CACNA1A: variants seen among roughly 807,000 people sequenced by gnomAD.
The protein encoded by CACNA1A is voltage-dependent P/Q-type calcium channel subunit alpha-1A.
Under a neutral mutation model 262.4 loss-of-function variants are expected in CACNA1A, and 57 were observed. The ratio of observed to expected loss-of-function variants is 0.22; its 90% CI spans 0.18 to 0.27. CACNA1A has a LOEUF of 0.27. Ranked by LOEUF, CACNA1A falls within the 10% of genes least tolerant of loss-of-function variation. The probability of loss-of-function intolerance (pLI) is 1.00; values close to 1 mark genes in which losing one functional copy is unlikely to be tolerated. For synonymous variants in CACNA1A, 1,431 were observed against 1,419.3 expected, an observed-to-expected ratio of 1.01 and a Z score of -0.18; for missense variants, 2,526 against 3,562.8, an observed-to-expected ratio of 0.71 and a Z score of 7.41.
chr19:13,231,955 G>T, intron 34 of CACNA1A, 95 bp from the exon 35 acceptor site: 1 of 1,326,870 alleles, frequency 7.5e-7, no homozygotes, highest in Non-Finnish European at 1.0e-6. Context: ...GAGCACTTGG[G>T]CTCTGGAGCT....
At chr19:13,352,403 CAA>C (rs202072454) in intron 6 of CACNA1A, among the ~76,000 whole-genome samples, 60 of 82,598 alleles carry the variant, frequency 7.3e-4, no homozygotes, top group African/African-American at 1.7e-3. Context: ...GACTCCATCT[CAA>C]AAAAAAAAAA....
chr19:13,267,116 GA>G (rs948289773), intron 24 of CACNA1A, among the ~76,000 whole-genome samples: 2 of 152,074 alleles, frequency 1.3e-5, no homozygotes, highest in African/African-American at 4.8e-5. Context: ...GACAGATCAC[GA>G]GAGACAGAAT....
intron 34 of CACNA1A, among the ~76,000 whole-genome samples, chr19:13,233,866 C>A (rs1433565657): frequency 6.6e-6 from 1 of 152,078 alleles, no homozygotes; most frequent in Non-Finnish European, 1.5e-5. Flanking sequence ...TCGTCTTCCC[C>A]ATGGGGATGT....
intron 36 of CACNA1A, chr19:13,227,823 G>A (rs762784181): frequency 5.3e-6 from 1 of 189,414 alleles, no homozygotes; most frequent in Admixed American, 6.1e-5. Flanking sequence ...CGTGGGCTCT[G>A]AGCTACAGTT....
chr19:13,376,028 CTG>C (rs1441538528), intron 3 of CACNA1A, among the ~76,000 whole-genome samples: 2 of 152,092 alleles, frequency 1.3e-5, no homozygotes, highest in African/African-American at 2.4e-5. Flanking sequence ...CACAGCAAGA[CTG>C]AGAGAGGTGG....
intron 24 of CACNA1A, among the ~76,000 whole-genome samples, chr19:13,268,583 C>T (rs1812190493): frequency 6.6e-6 from 1 of 152,022 alleles, no homozygotes; most frequent in African/African-American, 2.4e-5. Flanking sequence ...CAGGCGCCCA[C>T]CACCACGCCC....
intron 3 of CACNA1A, among the ~76,000 whole-genome samples, chr19:13,397,144 G>A (rs1358713100): frequency 2.0e-5 from 3 of 152,274 alleles, no homozygotes; most frequent in South Asian, 4.1e-4. Flanking sequence ...GGAATGAATG[G>A]TTCATGAAAG....
Position 13,334,466 on chromosome 19 carries a change from C to T in CACNA1A, c.1110G>A (p.Val370=). The part of the protein sequence containing the change: ...SGEFAKERER[V]ENRRAFLKLR... Reference sequence around the variant, plus strand: ...GCTTCAGAAAAGCCCGCCGGTTCTCCACCCGTTCCCTTTCTTTGGCAAACT... The same window carrying T: ...GCTTCAGAAAAGCCCGCCGGTTCTCTACCCGTTCCCTTTCTTTGGCAAACT... The change falls in exon 8 of 47, where the codon GTG becomes GTA. Residue 370 remains valine, a synonymous_variant. Coordinates refer to ENST00000360228, the MANE Select transcript of CACNA1A (RefSeq NM_001127222.2). 1.2e-6 allele frequency: 2 copies of T among 1,612,322 alleles called. 1 individual carries two copies. The highest frequency in any genetic ancestry group is 2.2e-5 in the South Asian group (2 of 91,048).
intron 3 of CACNA1A, among the ~76,000 whole-genome samples, chr19:13,407,345 T>TA (rs773570073): frequency 1.1e-4 from 16 of 152,340 alleles, no homozygotes; most frequent in Non-Finnish European, 2.1e-4. Flanking sequence ...GATTTGCTCT[T>TA]ACGAGAAAAT....
intron 24 of CACNA1A, 121 bp downstream of exon 24, chr19:13,275,729 C>T (rs2057130653): frequency 2.8e-5 from 20 of 717,028 alleles, no homozygotes; most frequent in South Asian, 1.9e-4. Flanking sequence ...ATATCTCCCA[C>T]GTCCCCGGAG....
At chr19:13,347,059 G>GTTTTTTTTTTTTTT in intron 6 of CACNA1A, among the ~76,000 whole-genome samples, 1 of 58,394 alleles carries the variant, frequency 1.7e-5, no homozygotes, top group African/African-American at 5.2e-5. Flanking sequence ...TGTTTTTTTT[G>GTTTTTTTTTTTTTT]TTTTTTTGTT....
chr19:13,306,899 C>T (rs762443041), intron 15 of CACNA1A, among the ~76,000 whole-genome samples: 1 of 152,100 alleles, frequency 6.6e-6, no homozygotes, highest in Non-Finnish European at 1.5e-5. Context: ...CCTGCTTGAC[C>T]CTGTTGCTTC....
intron 17 of CACNA1A, among the ~76,000 whole-genome samples, chr19:13,302,768 G>A (rs916011819): frequency 2.0e-5 from 3 of 152,280 alleles, no homozygotes; most frequent in South Asian, 2.1e-4. Context: ...AGAGACTTCC[G>A]CTTCCCTCCA....
chr19:13,457,811 C>T (rs1318363426), intron 1 of CACNA1A, among the ~76,000 whole-genome samples: 2 of 150,530 alleles, frequency 1.3e-5, no homozygotes, highest in Non-Finnish European at 2.9e-5. Context: ...CAAGATTGTG[C>T]CATTGCACTC....
At chr19:13,305,131 G>T (rs773693620) in intron 15 of CACNA1A, among the ~76,000 whole-genome samples, 1 of 152,226 alleles carries the variant, frequency 6.6e-6, no homozygotes, top group South Asian at 2.1e-4. Context: ...AGGGTGGAAC[G>T]TAAACAGTAT....
Position 13,214,611 on chromosome 19 carries a change from G to A in CACNA1A, c.5732-3C>T. ...CATCTGCTGTTTGTCGGCTCCTCCTGCAATGGGGGTGTAGACAGACCCTGA... is the reference window on the plus strand; with the variant it reads ...CATCTGCTGTTTGTCGGCTCCTCCTACAATGGGGGTGTAGACAGACCCTGA... On this transcript the variant is annotated splice_region_variant and splice_polypyrimidine_tract_variant and intron_variant, in intron 38 of 46. Coordinates refer to ENST00000360228, the MANE Select transcript of CACNA1A (RefSeq NM_001127222.2). The surrounding 1 kb of genome is among the most constrained non-coding windows in gnomAD (Gnocchi z 4.1). 6.2e-7 allele frequency: 1 copy of A among 1,611,212 alleles called. No individual in the cohort carries two copies. The highest frequency in any genetic ancestry group is 8.5e-7 in the Non-Finnish European group (1 of 1,178,008).
At chr19:13,403,455 C>A (rs1001297322) in intron 3 of CACNA1A, among the ~76,000 whole-genome samples, 1 of 152,136 alleles carries the variant, frequency 6.6e-6, no homozygotes, top group Non-Finnish European at 1.5e-5. Context: ...ACTGTCTGGT[C>A]CCTGGGTCTA....
At chr19:13,361,830 A>C (rs893144307) in intron 5 of CACNA1A, among the ~76,000 whole-genome samples, 14 of 152,316 alleles carry the variant, frequency 9.2e-5, no homozygotes, top group Admixed American at 6.5e-4. Context: ...AGAACAAAAT[A>C]AATCCATGGG....
At chr19:13,362,747 GT>G (rs2059132787) in intron 5 of CACNA1A, 1 of 152,180 alleles carries the variant, frequency 6.6e-6, no homozygotes, top group African/African-American at 2.4e-5. Context: ...GAGGGGTCTT[GT>G]TTCCTCTAAC....
Sources: allele counts gnomAD v4.1 joint callset (sites outside exome capture counted in the v4.1 genomes callset), GRCh38; gene constraint gnomAD v4.1.1; non-coding constraint Gnocchi (gnomAD v3.1); transcripts MANE v1.5; gene names NCBI Gene and HGNC (gene_info 2026-07-23, HGNC 2026-07-21).